The following RSPO2 variants were observed in gnomAD, a reference collection of about 807,000 sequenced individuals.
RSPO2 encodes R-spondin-2.
Under a neutral mutation model 30.9 loss-of-function variants are expected in RSPO2, and 14 were observed. The ratio of observed to expected loss-of-function variants is 0.45; its 90% CI spans 0.30 to 0.71. The LOEUF (loss-of-function observed/expected upper bound fraction) is 0.71. Among genes scored for constraint, RSPO2 ranks in the 30% least tolerant of loss-of-function variants. RSPO2 has a pLI of 0.08. For missense variants in RSPO2, 264 were observed against 301.9 expected (o/e 0.87, Z 0.93); for synonymous variants, 107 against 96.4 (o/e 1.11, Z -0.64).
chr8:107,933,360 G>A (rs181372463), intron 5 of RSPO2, among the ~76,000 whole-genome samples: 28 of 152,184 alleles, frequency 1.8e-4, no homozygotes, highest in African/African-American at 6.7e-4. Flanking sequence ...GATTGTATAC[G>A]AAATATACAC....
intron 2 of RSPO2, among the ~76,000 whole-genome samples, chr8:108,004,301 C>T (rs1479734239): frequency 6.6e-6 from 1 of 152,150 alleles, no homozygotes; most frequent in Non-Finnish European, 1.5e-5. Flanking sequence ...GAGGGATCTC[C>T]ACTTGACAAG....
chr8:107,944,814 T>G (rs969215515), intron 5 of RSPO2, among the ~76,000 whole-genome samples: 1 of 152,178 alleles, frequency 6.6e-6, no homozygotes, highest in African/African-American at 2.4e-5. Context: ...TAGGAAGACA[T>G]GCTCTTTTTA....
chr8:107,969,089 G>A (rs930816496), intron 3 of RSPO2, among the ~76,000 whole-genome samples: 1 of 152,014 alleles, frequency 6.6e-6, no homozygotes, highest in East Asian at 1.9e-4. Flanking sequence ...GGGGTGTGGG[G>A]ACAGATGGTA....
chr8:107,905,729 CTAAAGTCAGAAGGACT>C (rs1282734615), intron 5 of RSPO2, among the ~76,000 whole-genome samples: 4 of 151,540 alleles, frequency 2.6e-5, no homozygotes, highest in African/African-American at 9.7e-5. Context: ...CCTTTTACAT[CTAAAGTCAGAAGGACT>C]GAGTTGTAAA....
chr8:107,954,592 ATTTATTTATTTAT>A (rs995464250), intron 5 of RSPO2, among the ~76,000 whole-genome samples: 9 of 36,320 alleles, frequency 2.5e-4, no homozygotes, highest in Non-Finnish European at 7.0e-4. Flanking sequence ...TCCATCTTTT[ATTTATTTATTTAT>A]TTTATTTATT....
chr8:107,964,877 T>C (rs1421990726), intron 3 of RSPO2, among the ~76,000 whole-genome samples: 1 of 152,184 alleles, frequency 6.6e-6, no homozygotes, highest in Admixed American at 6.5e-5. Flanking sequence ...CTCAAAGCAG[T>C]ACAGAAGTTT....
intron 3 of RSPO2, among the ~76,000 whole-genome samples, chr8:107,973,107 A>G (rs1358750299): frequency 6.6e-6 from 1 of 152,052 alleles, no homozygotes; most frequent in Non-Finnish European, 1.5e-5. Flanking sequence ...CATCTCTACT[A>G]AAAATACAAA....
chr8:108,028,617 T>G (rs996637318), intron 2 of RSPO2, among the ~76,000 whole-genome samples: 3 of 152,208 alleles, frequency 2.0e-5, no homozygotes, highest in Non-Finnish European at 4.4e-5. Flanking sequence ...TCTTAGGAAT[T>G]TGCTTGCCAT....
chr8:108,053,244 T>C (rs1242309443), intron 2 of RSPO2, among the ~76,000 whole-genome samples: 2 of 152,144 alleles, frequency 1.3e-5, no homozygotes, highest in South Asian at 2.1e-4. Flanking sequence ...CATATTCCCA[T>C]CCACCCAGAA....
intron 2 of RSPO2, among the ~76,000 whole-genome samples, chr8:108,032,224 G>C (rs1450197042): frequency 6.6e-6 from 1 of 152,120 alleles, no homozygotes; most frequent in East Asian, 1.9e-4. Flanking sequence ...GGAAGTTTCA[G>C]AAAAAACATC....
chr8:107,978,253 AC>A (rs1814284043), intron 3 of RSPO2, among the ~76,000 whole-genome samples: 1 of 151,858 alleles, frequency 6.6e-6, no homozygotes, highest in South Asian at 2.1e-4. Flanking sequence ...CATGGTGAAA[AC>A]CGTCTCTAAT....
At chr8:108,070,945 C>T (rs1812827432) in intron 2 of RSPO2, among the ~76,000 whole-genome samples, 1 of 152,148 alleles carries the variant, frequency 6.6e-6, no homozygotes, top group African/African-American at 2.4e-5. Flanking sequence ...TTCACATGAT[C>T]GACCTCAAGT....
At chr8:108,009,314 C>A (rs1444032860) in intron 2 of RSPO2, among the ~76,000 whole-genome samples, 1 of 152,042 alleles carries the variant, frequency 6.6e-6, no homozygotes, top group Non-Finnish European at 1.5e-5. Flanking sequence ...GAAATACATA[C>A]AATTTATATC....
intron 3 of RSPO2, chr8:107,983,979 G>A (rs1244421715): frequency 3.7e-6 from 3 of 805,308 alleles, no homozygotes; most frequent in East Asian, 2.5e-5. Context: ...TGAAATAGAA[G>A]GCCACCAAAA....
intron 2 of RSPO2, among the ~76,000 whole-genome samples, chr8:108,057,324 A>G (rs914777402): frequency 2.6e-5 from 4 of 152,128 alleles, no homozygotes; most frequent in African/African-American, 9.7e-5. Context: ...GAAGGATAAA[A>G]TGCAAAATGT....
rs141455390 is a variant in RSPO2 at position 107,964,330 on chromosome 8, C to T, written c.284-3513G>A. Among the ~76,000 whole-genome samples, 1,037 of 152,368 alleles carry T rather than the reference C, an allele frequency of 6.8e-3. 47 individuals are homozygous for T. In the East Asian group the frequency reaches 0.13, roughly 19 times the overall value. On this transcript the variant is annotated intron_variant, in intron 3 of 5. Coordinates refer to ENST00000276659, the MANE Select transcript of RSPO2 (RefSeq NM_178565.5). ...CAATCTCGGCTCACTGCGACCTCTG[C>T]CTCCCGGGTTCAAGTGATTCTCCTG...
intron 2 of RSPO2, among the ~76,000 whole-genome samples, chr8:107,991,249 AACACACACAC>A (rs60247229): frequency 0.011 from 1,496 of 133,458 alleles, 19 homozygotes; most frequent in African/African-American, 0.036. Context: ...CTCCATCTCA[AACACACACAC>A]ACACACACAC....
chr8:108,080,069 C>G (rs913346113), intron 2 of RSPO2, among the ~76,000 whole-genome samples: 1 of 152,126 alleles, frequency 6.6e-6, no homozygotes, highest in African/African-American at 2.4e-5. Context: ...TCAATTAAAA[C>G]CAGCTTAAGT....
intron 2 of RSPO2, among the ~76,000 whole-genome samples, chr8:108,029,375 T>A (rs1164948706): frequency 6.6e-6 from 1 of 152,128 alleles, no homozygotes; most frequent in Admixed American, 6.6e-5. Context: ...TAGATGCTGT[T>A]TATTGCTAAC....
Sources: allele counts gnomAD v4.1 joint callset (sites outside exome capture counted in the v4.1 genomes callset), GRCh38; gene constraint gnomAD v4.1.1; transcripts MANE v1.5; gene names NCBI Gene and HGNC (gene_info 2026-07-23, HGNC 2026-07-21).